The following TCF20 variants were observed in gnomAD, a reference collection of about 807,000 sequenced individuals.
TCF20 encodes SPRE-binding protein.
In TCF20, 3 loss-of-function variants were observed where a neutral mutation model predicts 148.6. The ratio of observed to expected loss-of-function variants is 0.02; its 90% CI spans 0.01 to 0.05. The LOEUF (loss-of-function observed/expected upper bound fraction) is 0.05. Ranked by LOEUF, TCF20 falls within the 10% of genes least tolerant of loss-of-function variation. The pLI is 1.00. For synonymous variants in TCF20, 1,049 were observed against 909.5 expected, an observed-to-expected ratio of 1.15 and a Z score of -2.76; for missense variants, 2,350 against 2,429.3, an observed-to-expected ratio of 0.97 and a Z score of 0.69.
At chr22:42,265,258 G>T (rs6002667) in intron 1 of TCF20, among the ~76,000 whole-genome samples, 478 of 152,292 alleles carry the variant, frequency 3.1e-3, no homozygotes, top group African/African-American at 0.011. Flanking sequence ...AGTGCAATGT[G>T]ACCAAATTAT....
chr22:42,227,831 T>C (rs1258790770), intron 1 of TCF20, among the ~76,000 whole-genome samples: 4 of 152,188 alleles, frequency 2.6e-5, no homozygotes, highest in Non-Finnish European at 5.9e-5. Context: ...TCCCAGGACA[T>C]TGCATAAGAA....
intron 2 of TCF20, among the ~76,000 whole-genome samples, chr22:42,208,562 C>T (rs1198012714): frequency 1.3e-5 from 2 of 152,068 alleles, no homozygotes; most frequent in Non-Finnish European, 2.9e-5. Context: ...GTGATCGCAC[C>T]ACTGCATTCC....
intron 2 of TCF20, among the ~76,000 whole-genome samples, chr22:42,201,895 G>A (rs1938054495): frequency 1.3e-5 from 2 of 152,068 alleles, no homozygotes; most frequent in Non-Finnish European, 1.5e-5. Context: ...TACTTAACAT[G>A]CAAGGTAGAT....
intron 2 of TCF20, among the ~76,000 whole-genome samples, chr22:42,188,300 A>AG (rs1399826013): frequency 8.2e-6 from 1 of 121,220 alleles, no homozygotes; most frequent in Non-Finnish European, 1.6e-5. Flanking sequence ...TCTCAAAAAA[A>AG]AAAAAAAAAA....
Position 42,209,771 on chromosome 22 carries a change from T to G in TCF20, c.5535A>C (p.Leu1845=). The G allele has an allele frequency of 6.2e-7, 1 of 1,613,938 alleles. No homozygotes were observed. Among genetic ancestry groups the G allele is most frequent in the Non-Finnish European group, 8.5e-7 (1 of 1,179,990 alleles). Residue 1845 remains leucine (L), a synonymous_variant, in exon 2 of 6, where the codon CTA becomes CTC. Coordinates refer to ENST00000677622, the MANE Select transcript of TCF20 (RefSeq NM_001378418.1). ...GPELELQIPE[L]PLDSNEFWVH... ...CCCAAAATTCATTGCTGTCAAGAGG[T>G]AGTTCAGGGATTTGTAACTCCAGCT...
intron 1 of TCF20, among the ~76,000 whole-genome samples, chr22:42,251,872 TTTTGGGATTTCAGTA>T (rs992749532): frequency 6.6e-6 from 1 of 152,090 alleles, no homozygotes; most frequent in African/African-American, 2.4e-5. Flanking sequence ...GATTTCGATA[TTTTGGGATTTCAGTA>T]TTTGGGATTA....
intron 5 of TCF20, among the ~76,000 whole-genome samples, chr22:42,164,542 T>TA (rs1935666781): frequency 6.6e-6 from 1 of 152,204 alleles, no homozygotes; most frequent in Non-Finnish European, 1.5e-5. Flanking sequence ...CTCATTTCTT[T>TA]AACACAGACT....
chr22:42,168,988 G>A (rs1042625756), intron 4 of TCF20, among the ~76,000 whole-genome samples: 6 of 151,698 alleles, frequency 4.0e-5, no homozygotes, highest in African/African-American at 1.2e-4. Context: ...ACCACTCCCC[G>A]CCCTTCCCCA....
Position 42,247,439 on chromosome 22 carries a change from C to T in TCF20, c.-37+22900G>A, listed in dbSNP as rs868719230. On this transcript the variant is annotated intron_variant, in intron 1 of 5. Coordinates refer to ENST00000677622, the MANE Select transcript of TCF20 (RefSeq NM_001378418.1). The stretch of plus-strand genomic sequence containing the variant: ...TGGGTGATAGAGCGAGACTCCATCT[C>T]AAAAAAAAAAAAAAAAAAGATAAGA... Among the ~76,000 whole-genome samples the T allele has an allele frequency of 9.2e-5, 8 of 87,400 alleles. No individual in the cohort carries two copies. The Admixed American group carries it at 1.1e-3, about 12-fold the overall frequency. The allele number at this position is 87,400 out of a possible 152,430, so 57.3% of individuals were successfully genotyped here.
At chr22:42,303,487 C>G (rs983930429) in intron 1 of TCF20, among the ~76,000 whole-genome samples, 1 of 152,252 alleles carries the variant, frequency 6.6e-6, no homozygotes, top group African/African-American at 2.4e-5. Context: ...CTGCACAACA[C>G]CCCATGGGCA....
At chr22:42,330,625 A>C (rs952898386) in intron 1 of TCF20, among the ~76,000 whole-genome samples, 1 of 152,198 alleles carries the variant, frequency 6.6e-6, no homozygotes, top group African/African-American at 2.4e-5. Context: ...TAAATGAATA[A>C]ATAAATGAGT....
chr22:42,218,673 A>T (rs1464496503), intron 1 of TCF20, among the ~76,000 whole-genome samples: 3 of 152,204 alleles, frequency 2.0e-5, no homozygotes, highest in Non-Finnish European at 4.4e-5. Flanking sequence ...CTGAGTGTAT[A>T]AACAATGTTG....
At chr22:42,243,310 A>AAAAAAAAACAAAAAAAAAAAAAC (rs1924618260) in intron 1 of TCF20, among the ~76,000 whole-genome samples, 1 of 140,864 alleles carries the variant, frequency 7.1e-6, no homozygotes, top group African/African-American at 3.0e-5. Flanking sequence ...AAAAAAAAAA[A>AAAAAAAAACAAAAAAAAAAAAAC]AAAAAAAAAA....
chr22:42,250,354 G>A (rs1868287318), intron 1 of TCF20, among the ~76,000 whole-genome samples: 1 of 147,578 alleles, frequency 6.8e-6, no homozygotes, highest in Non-Finnish European at 1.5e-5. Context: ...GCTGAGGCAG[G>A]AAAATCGCCT....
intron 1 of TCF20, among the ~76,000 whole-genome samples, chr22:42,322,724 G>A (rs939525325): frequency 5.3e-5 from 8 of 151,602 alleles, no homozygotes; most frequent in African/African-American, 1.7e-4. Flanking sequence ...ATAAGTGTCT[G>A]AGTGAATGAA....
intron 2 of TCF20, among the ~76,000 whole-genome samples, chr22:42,189,227 AG>A (rs1937205770): frequency 6.6e-6 from 1 of 152,238 alleles, no homozygotes; most frequent in Non-Finnish European, 1.5e-5. Flanking sequence ...TAAAACCGAC[AG>A]GACTTGATGC....
intron 2 of TCF20, among the ~76,000 whole-genome samples, chr22:42,181,598 CTTT>C (rs34232368): frequency 1.2e-4 from 16 of 136,518 alleles, no homozygotes; most frequent in Admixed American, 1.1e-3. Context: ...TCCCCCCAAC[CTTT>C]TTTTTTTTTT....
chr22:42,165,656 A>G (rs972590132), intron 5 of TCF20, among the ~76,000 whole-genome samples: 19 of 152,196 alleles, frequency 1.2e-4, no homozygotes, highest in African/African-American at 4.1e-4. Context: ...ATTTTTTGCT[A>G]TAAGAGACAG....
chr22:42,226,046 G>C (rs967490665), intron 1 of TCF20, among the ~76,000 whole-genome samples: 3 of 152,186 alleles, frequency 2.0e-5, no homozygotes, highest in African/African-American at 7.2e-5. Flanking sequence ...ATCTGCTCCT[G>C]AGCAGACCAA....
Sources: allele counts gnomAD v4.1 joint callset (sites outside exome capture counted in the v4.1 genomes callset), GRCh38; gene constraint gnomAD v4.1.1; transcripts MANE v1.5; gene names NCBI Gene and HGNC (gene_info 2026-07-23, HGNC 2026-07-21).